The following SGCD variants were observed in gnomAD, a reference collection of about 807,000 sequenced individuals.
The protein encoded by SGCD is delta-sarcoglycan.
A neutral mutation model predicts 36.6 loss-of-function variants in SGCD; 18 were observed. The observed-to-expected ratio is 0.49, with a 90% CI of 0.34 to 0.73. SGCD has a LOEUF of 0.73. Among genes scored for constraint, SGCD ranks in the 30% least tolerant of loss-of-function variants. The probability of loss-of-function intolerance (pLI) is 0.01; values close to 1 mark genes in which losing one functional copy is unlikely to be tolerated. For synonymous variants in SGCD, 133 were observed against 130.6 expected, an observed-to-expected ratio of 1.02 and a Z score of -0.12; for missense variants, 387 against 346.7, an observed-to-expected ratio of 1.12 and a Z score of -0.92.
At chr5:156,608,658 C>A (rs1051082757) in intron 6 of SGCD, among the ~76,000 whole-genome samples, 5 of 152,012 alleles carry the variant, frequency 3.3e-5, no homozygotes, top group African/African-American at 2.4e-5. Context: ...AAAGTCTCCC[C>A]TTATTATTGT....
chr5:156,167,323 A>T (rs555042810), intron 3 of SGCD, among the ~76,000 whole-genome samples: 5 of 152,240 alleles, frequency 3.3e-5, no homozygotes, highest in Non-Finnish European at 7.4e-5. Flanking sequence ...TACTTGCTTA[A>T]TGTTATTATC....
intron 3 of SGCD, among the ~76,000 whole-genome samples, chr5:156,242,016 T>C (rs1332087087): frequency 6.6e-6 from 1 of 152,046 alleles, no homozygotes; most frequent in Admixed American, 6.6e-5. Context: ...CAGTGCAGGG[T>C]GTCACAAATA....
the SGCD span, among the ~76,000 whole-genome samples, chr5:155,837,365 C>G: frequency 2.6e-5 from 4 of 152,110 alleles, no homozygotes; most frequent in African/African-American, 7.2e-5. Flanking sequence ...ACCATGTTGG[C>G]TAGGCTGGTC....
intron 7 of SGCD, among the ~76,000 whole-genome samples, chr5:156,652,435 G>A (rs1763496648): frequency 6.6e-6 from 1 of 152,102 alleles, no homozygotes. Flanking sequence ...GTTGCAGTTA[G>A]CTGTGATCAC....
At chr5:155,895,934 G>A (rs1480730132) in intron 1 of SGCD, among the ~76,000 whole-genome samples, 1 of 152,218 alleles carries the variant, frequency 6.6e-6, no homozygotes, top group Non-Finnish European at 1.5e-5. Context: ...TGAGAGAAGT[G>A]ACCTGCAACC....
intron 4 of SGCD, among the ~76,000 whole-genome samples, chr5:156,547,675 C>A (rs1354653926): frequency 2.0e-5 from 3 of 152,084 alleles, no homozygotes; most frequent in African/African-American, 7.2e-5. Flanking sequence ...ATCTCCTGAC[C>A]TGGTGATCCG....
chr5:156,261,952 C>T (rs77998146), intron 3 of SGCD, among the ~76,000 whole-genome samples: 2,142 of 152,016 alleles, frequency 0.014, 23 homozygotes, highest in Non-Finnish European at 0.024. Flanking sequence ...TACAGCTGTA[C>T]GATGTATTTG....
intron 7 of SGCD, among the ~76,000 whole-genome samples, chr5:156,685,948 G>GA (rs1753888398): frequency 6.6e-6 from 1 of 152,108 alleles, no homozygotes; most frequent in Non-Finnish European, 1.5e-5. Context: ...GAGAGGGGCA[G>GA]AAAAAGTAAC....
At position 156,747,980 on chromosome 5, in the gene SGCD, A is replaced by G. The variant is rs527930723; in HGVS notation, c.576-9601A>G. Among the ~76,000 whole-genome samples, 169 of 152,334 alleles carry G rather than the reference A, an allele frequency of 1.1e-3. 4 individuals are homozygous for G. The South Asian group carries it at 0.035, about 31-fold the overall frequency. On this transcript the variant is annotated intron_variant, in intron 7 of 8. Coordinates refer to ENST00000337851, the MANE Select transcript of SGCD (RefSeq NM_000337.6). ...TCTACAAAATAGCCACAAACTGTTA[A>G]CAACCAGATGTCAATTAACAGTAGA... is the stretch of plus-strand genomic sequence containing the variant.
At chr5:156,458,519 C>T (rs1754351302) in intron 3 of SGCD, 14 of 1,501,034 alleles carry the variant, frequency 9.3e-6, no homozygotes, top group Non-Finnish European at 1.2e-5. Flanking sequence ...TACAACAAAC[C>T]AGAATAGACA....
At chr5:156,437,505 G>C (rs1026695884) in intron 3 of SGCD, among the ~76,000 whole-genome samples, 22 of 152,146 alleles carry the variant, frequency 1.4e-4, no homozygotes, top group African/African-American at 5.1e-4. Context: ...TGGCACAAAG[G>C]ATGCTAAGGT....
rs188496476 is a variant in SGCD at position 156,529,119 on chromosome 5, G to A, written c.294+20417G>A. Among the ~76,000 whole-genome samples, 684 of 152,008 alleles carry A rather than the reference G, an allele frequency of 4.5e-3. 4 individuals are homozygous for A. Among genetic ancestry groups the A allele is most frequent in the African/African-American group, 0.014 (570 of 41,484 alleles). On this transcript the variant is annotated intron_variant, in intron 4 of 8. Coordinates refer to ENST00000337851, the MANE Select transcript of SGCD (RefSeq NM_000337.6). Reference sequence around the variant, plus strand: ...AGTACATTTGAGGAGAATAATAGAGGGAAGGTAGCCTTAAGAAAGGCACAT... The same window carrying A: ...AGTACATTTGAGGAGAATAATAGAGAGAAGGTAGCCTTAAGAAAGGCACAT...
At chr5:156,625,538 T>A (rs565456232) in intron 6 of SGCD, among the ~76,000 whole-genome samples, 1 of 152,210 alleles carries the variant, frequency 6.6e-6, no homozygotes, top group South Asian at 2.1e-4. Flanking sequence ...TTTTCTATAT[T>A]CTCATCAGAG....
chr5:156,282,520 C>T (rs1202029134), intron 3 of SGCD, among the ~76,000 whole-genome samples: 1 of 152,162 alleles, frequency 6.6e-6, no homozygotes, highest in East Asian at 1.9e-4. Context: ...ATATTTTCAA[C>T]CACTGGTAGC....
chr5:156,163,884 G>T (rs922580097), intron 3 of SGCD, among the ~76,000 whole-genome samples: 9 of 150,992 alleles, frequency 6.0e-5, no homozygotes, highest in East Asian at 1.9e-4. Flanking sequence ...TTAGCCAGGC[G>T]TGGTGGCACG....
chr5:155,954,576 T>A (rs2113437546), intron 1 of SGCD, among the ~76,000 whole-genome samples: 1 of 151,942 alleles, frequency 6.6e-6, no homozygotes. Context: ...TTTTTTTTTT[T>A]TTTGGGTTAA....
chr5:156,631,546 C>A (rs184354010), intron 6 of SGCD, among the ~76,000 whole-genome samples: 1 of 149,072 alleles, frequency 6.7e-6, no homozygotes, highest in Non-Finnish European at 1.5e-5. Context: ...TCTTCATAGA[C>A]GCTATTTTTT....
At chr5:156,697,083 G>A (rs763185394) in intron 7 of SGCD, among the ~76,000 whole-genome samples, 15 of 151,754 alleles carry the variant, frequency 9.9e-5, no homozygotes, top group Non-Finnish European at 1.9e-4. Context: ...TCACTTGCAT[G>A]TGTAAAACAT....
chr5:156,192,977 A>C (rs1469191536), intron 3 of SGCD, among the ~76,000 whole-genome samples: 1 of 151,498 alleles, frequency 6.6e-6, no homozygotes, highest in African/African-American at 2.4e-5. Flanking sequence ...GTTCCAATAA[A>C]ATGTGATTCA....
Sources: gnomAD v4.1 joint callset for allele counts (sites outside exome capture counted in the v4.1 genomes callset) on GRCh38, gnomAD v4.1.1 for gene constraint, MANE v1.5 for transcripts, NCBI Gene and HGNC (gene_info 2026-07-23, HGNC 2026-07-21) for gene names.